The following CDH13 variants were observed in gnomAD, a reference collection of about 807,000 sequenced individuals.
The protein encoded by CDH13 is cadherin 13.
A neutral mutation model predicts 63.8 loss-of-function variants in CDH13; 24 were observed. That is an observed-to-expected ratio of 0.38 (90% confidence interval 0.27 to 0.53). The LOEUF (loss-of-function observed/expected upper bound fraction) is 0.53. CDH13 is among the 20% of genes least tolerant of loss of function. The pLI is 0.85. For synonymous variants in CDH13, 503 were observed against 355.3 expected (o/e 1.42, Z -4.67); for missense variants, 1,049 against 903.1 (o/e 1.16, Z -2.07).
rs11445521 is a variant in CDH13, at chr16:83,142,160, G to GTTTTTTTTTT, written c.483+16669_483+16678dup. On this transcript the variant is annotated intron_variant, in intron 4 of 13. Transcript: ENST00000567109. ...GAACCATTTTTGTTTGTTTGTTTTT[G>GTTTTTTTTTT]TTTTTTTTTTTTTTTTTTTGAAATG... is the stretch of plus-strand genomic sequence containing the variant. Among the ~76,000 whole-genome samples the GTTTTTTTTTT allele has an allele frequency of 4.1e-4, 49 of 120,336 alleles. 1 individual carries two copies. Among genetic ancestry groups the GTTTTTTTTTT allele is most frequent in the Non-Finnish European group, 4.8e-4 (28 of 58,930 alleles). 78.9% of individuals were successfully genotyped at this position (120,336 alleles called of 152,430 possible).
chr16:83,328,027 G>A (rs1463212443), intron 5 of CDH13, among the ~76,000 whole-genome samples: 1 of 151,972 alleles, frequency 6.6e-6, no homozygotes, highest in Non-Finnish European at 1.5e-5. Flanking sequence ...CAGCTACTCA[G>A]GAGGCTGGGG....
chr16:82,641,026 G>A (rs1313776146), intron 1 of CDH13, among the ~76,000 whole-genome samples: 1 of 152,222 alleles, frequency 6.6e-6, no homozygotes, highest in African/African-American at 2.4e-5. Flanking sequence ...AGTGGGGAGA[G>A]TGAGACCAAG....
At chr16:82,697,770 TGTGTGTGTGTGTGTGTGTA>T (rs1567638796) in intron 1 of CDH13, among the ~76,000 whole-genome samples, 2 of 88,640 alleles carry the variant, frequency 2.3e-5, no homozygotes, top group Non-Finnish European at 5.0e-5. Context: ...TGTGTGTGTG[TGTGTGTGTGTGTGTGTGTA>T]AGTTTTTTCA....
intron 3 of CDH13, among the ~76,000 whole-genome samples, chr16:83,112,382 C>A (rs1010521404): frequency 6.6e-6 from 1 of 152,050 alleles, no homozygotes; most frequent in Non-Finnish European, 1.5e-5. Flanking sequence ...GACAGAGACA[C>A]AGAAAGACAG....
intron 5 of CDH13, among the ~76,000 whole-genome samples, chr16:83,334,832 T>C (rs147153814): frequency 3.9e-5 from 6 of 152,278 alleles, no homozygotes; most frequent in African/African-American, 1.4e-4. Context: ...AAAGGATATG[T>C]AGATAGAGTA....
chr16:83,091,698 A>G (rs546627215), intron 3 of CDH13, among the ~76,000 whole-genome samples: 1 of 152,238 alleles, frequency 6.6e-6, no homozygotes, highest in Non-Finnish European at 1.5e-5. Context: ...AGTGAAAAAT[A>G]TATCTGCTAG....
chr16:83,164,598 C>T (rs1311529269), intron 4 of CDH13, among the ~76,000 whole-genome samples: 2 of 151,768 alleles, frequency 1.3e-5, no homozygotes, highest in Non-Finnish European at 2.9e-5. Flanking sequence ...GGGGCGCCTG[C>T]AATCCCAGCT....
chr16:82,930,436 C>G (rs561153595), intron 2 of CDH13, among the ~76,000 whole-genome samples: 2 of 149,500 alleles, frequency 1.3e-5, no homozygotes, highest in East Asian at 3.9e-4. Context: ...ACATAGGTGT[C>G]TTAACTATGG....
chr16:83,731,420 G>A (rs184903523), intron 10 of CDH13, among the ~76,000 whole-genome samples: 5 of 152,312 alleles, frequency 3.3e-5, no homozygotes, highest in East Asian at 3.9e-4. Context: ...GATTAGTGAC[G>A]TGGAGCATTT....
In CDH13 at chr16:83,799,717, A is replaced by C. The variant is rs181300547; in HGVS notation, c.*4687A>C. 8 of 152,358 alleles carry C rather than the reference A, an allele frequency of 5.3e-5. No homozygotes were observed. The highest frequency in any genetic ancestry group is 1.9e-4 in the African/African-American group (8 of 41,590). The allele number at this position is 152,358 out of a possible 1,614,324, so 9.4% of individuals were successfully genotyped here. ...ATTTGATAATTTTCACAGTCTAATG[A>C]TAAAATGCTTTCAAAATGGTTCATC... On this transcript the variant is annotated 3_prime_UTR_variant, in exon 14 of 14. Transcript: ENST00000567109.
chr16:83,781,841 G>A (rs765052495), intron 12 of CDH13, among the ~76,000 whole-genome samples: 2 of 151,570 alleles, frequency 1.3e-5, no homozygotes, highest in African/African-American at 4.9e-5. Context: ...CCTAGGTGAT[G>A]GGATGATTTG....
At chr16:82,734,438 G>C (rs999217127) in intron 1 of CDH13, among the ~76,000 whole-genome samples, 1 of 152,204 alleles carries the variant, frequency 6.6e-6, no homozygotes, top group Non-Finnish European at 1.5e-5. Flanking sequence ...GAGGAGGCAG[G>C]TGCGCCTGCA....
intron 1 of CDH13, among the ~76,000 whole-genome samples, chr16:82,798,975 TG>T (rs1173212576): frequency 3.3e-5 from 5 of 152,172 alleles, no homozygotes; most frequent in Non-Finnish European, 2.9e-5. Context: ...ATTTAGGACC[TG>T]ACAGAGGTAG....
Position 83,136,453 on chromosome 16 carries a change from T to G in CDH13, c.483+10952T>G, listed in dbSNP as rs1300015734. Among the ~76,000 whole-genome samples the G allele has an allele frequency of 2.2e-5, 3 of 133,576 alleles. No homozygotes were observed. In the Admixed American group the frequency reaches 2.5e-4, roughly 11 times the overall value. The allele number at this position is 133,576 out of a possible 152,430, so 87.6% of individuals were successfully genotyped here. ...GTGAGCCGAGATCGCTCCACTGCAC[T>G]CCAGCCTGGGCGACAGAGCGGGACT... On this transcript the variant is annotated intron_variant, in intron 4 of 13. Coordinates refer to ENST00000567109, the MANE Select transcript of CDH13 (RefSeq NM_001257.5).
chr16:83,049,066 G>A (rs1333050711), intron 3 of CDH13, among the ~76,000 whole-genome samples: 1 of 152,096 alleles, frequency 6.6e-6, no homozygotes, highest in Non-Finnish European at 1.5e-5. Context: ...TGAAGTCTCT[G>A]AAGCAATTAA....
At chr16:83,610,815 T>C (rs1908793049) in intron 8 of CDH13, among the ~76,000 whole-genome samples, 2 of 152,238 alleles carry the variant, frequency 1.3e-5, no homozygotes. Context: ...GAAGCTTATA[T>C]GTGTTTCTGT....
intron 10 of CDH13, among the ~76,000 whole-genome samples, chr16:83,733,060 G>A (rs1467240985): frequency 1.3e-5 from 2 of 152,160 alleles, no homozygotes; most frequent in African/African-American, 2.4e-5. Context: ...CATCCCAAGG[G>A]CAGGAAGCTC....
At chr16:83,678,512 T>C in intron 10 of CDH13, 51 bp downstream of exon 10, 1 of 1,605,540 alleles carries the variant, frequency 6.2e-7, no homozygotes, top group East Asian at 2.2e-5. Context: ...GGAATGGCTT[T>C]TCCTTTCCAG....
chr16:83,173,065 TTAAAC>T (rs923199295), intron 4 of CDH13, among the ~76,000 whole-genome samples: 6 of 152,246 alleles, frequency 3.9e-5, no homozygotes, highest in East Asian at 3.9e-4. Flanking sequence ...ATGTGACTAT[TTAAAC>T]TAATATTCAC....
Sources: gnomAD v4.1 joint callset for allele counts (sites outside exome capture counted in the v4.1 genomes callset) on GRCh38, gnomAD v4.1.1 for gene constraint, MANE v1.5 for transcripts, NCBI Gene and HGNC (gene_info 2026-07-23, HGNC 2026-07-21) for gene names.